The following HYDIN variants were observed in gnomAD, a reference collection of about 807,000 sequenced individuals.
HYDIN encodes the protein HYDIN axonemal central pair apparatus protein.
In HYDIN, 132 loss-of-function variants were observed where a neutral mutation model predicts 403.9. That is an observed-to-expected ratio of 0.33 (90% CI 0.28 to 0.38). HYDIN has a LOEUF of 0.38. Among genes scored for constraint, HYDIN ranks in the 10% least tolerant of loss-of-function variants. The pLI is 1.00. For synonymous variants in HYDIN, 1,202 were observed against 1,891.7 expected (o/e 0.64, Z 9.46); for missense variants, 2,827 against 5,009.5 (o/e 0.56, Z 13.15).
At chr16:71,011,544 A>AAAAC (rs145764086) in intron 23 of HYDIN, among the ~76,000 whole-genome samples, 4 of 139,356 alleles carry the variant, frequency 2.9e-5, no homozygotes, top group Non-Finnish European at 4.6e-5. Flanking sequence ...CTGTCTCTAC[A>AAAAC]AAACAAACAA....
In HYDIN at chr16:70,809,914, C is replaced by G; in HGVS notation, c.14752G>C (p.Glu4918Gln). Residue 4918 changes from glutamate to glutamine, a missense_variant, in exon 85 of 86, where the codon GAG becomes CAG. Physicochemically the swap from Glu to Gln is conservative, Grantham distance 29. Transcript: ENST00000393567. Reference sequence around the variant, plus strand: ...GCTGGCGTGGCTTTCAGATAGAGCTCATATTGGTAGTAACCCAAGTCAGTG... The same window carrying G: ...GCTGGCGTGGCTTTCAGATAGAGCTGATATTGGTAGTAACCCAAGTCAGTG... ...HNTDLGYYQY[E>Q]LYLKATPALP... is the part of the protein sequence containing the mutation. 1 of 1,614,182 alleles carries G rather than the reference C, an allele frequency of 6.2e-7. No homozygotes were observed. The highest frequency in any genetic ancestry group is 1.3e-5 in the African/African-American group (1 of 75,050).
At chr16:71,082,218 A>C (rs1018593888) in intron 12 of HYDIN, among the ~76,000 whole-genome samples, 1 of 152,158 alleles carries the variant, frequency 6.6e-6, no homozygotes, top group Non-Finnish European at 1.5e-5. Flanking sequence ...GTCAGTGTTA[A>C]TGTGTGGAGC....
intron 18 of HYDIN, among the ~76,000 whole-genome samples, chr16:71,047,207 A>G (rs1471680792): frequency 6.6e-6 from 1 of 151,904 alleles, no homozygotes; most frequent in Non-Finnish European, 1.5e-5. Flanking sequence ...TGACAAGGAA[A>G]CCAAACTCCC....
intron 20 of HYDIN, 24 bp downstream of exon 20, chr16:71,027,578 C>T (rs1465873671): frequency 6.2e-7 from 1 of 1,614,050 alleles, no homozygotes; most frequent in Non-Finnish European, 8.5e-7. Context: ...AAAACAATAG[C>T]TTCCAAATGT....
intron 62 of HYDIN, among the ~76,000 whole-genome samples, chr16:70,875,721 G>A (rs2040406041): frequency 6.6e-6 from 1 of 152,184 alleles, no homozygotes; most frequent in Non-Finnish European, 1.5e-5. Flanking sequence ...AATCCTAAAT[G>A]TTCCTGGTGG....
intron 5 of HYDIN, among the ~76,000 whole-genome samples, chr16:71,174,019 T>C (rs2086569011): frequency 6.6e-6 from 1 of 152,094 alleles, no homozygotes; most frequent in Admixed American, 6.5e-5. Flanking sequence ...GACCCTGTTC[T>C]CCCCACAGAC....
rs966339224 is a variant in HYDIN at position 71,212,601 on chromosome 16, A to C, written c.-24+17961T>G. ...GTAAATAGTATATTTTAAATGGCTGAAGAGAAAAATTACTAAAGTAGAAAA... is the reference window on the plus strand; with the variant it reads ...GTAAATAGTATATTTTAAATGGCTGCAGAGAAAAATTACTAAAGTAGAAAA... On this transcript the variant is annotated intron_variant, in intron 1 of 85. Coordinates refer to ENST00000393567, the MANE Select transcript of HYDIN (RefSeq NM_001270974.2). Among the ~76,000 whole-genome samples the C allele has an allele frequency of 2.0e-5, 3 of 152,316 alleles. No homozygotes were observed. The South Asian group carries it at 6.2e-4, about 32-fold the overall frequency.
chr16:70,965,230 T>C (rs1371483541), intron 36 of HYDIN, among the ~76,000 whole-genome samples: 1 of 152,230 alleles, frequency 6.6e-6, no homozygotes, highest in Non-Finnish European at 1.5e-5. Flanking sequence ...TTATCTACCT[T>C]GAGTGACAAT....
At chr16:70,923,043 C>T (rs1347644587) in intron 45 of HYDIN, among the ~76,000 whole-genome samples, 2 of 152,030 alleles carry the variant, frequency 1.3e-5, no homozygotes, top group African/African-American at 2.4e-5. Context: ...GTTGGGATTA[C>T]AGGCATAAGC....
In HYDIN at chr16:71,067,393, G is replaced by A. The variant is rs866695610; in HGVS notation, c.1975-3C>T. On this transcript the variant is annotated splice_region_variant and splice_polypyrimidine_tract_variant and intron_variant, in intron 14 of 85. Transcript: ENST00000393567. ...ACAGTGTTGGAGCATAATGTCACCT[G>A]GAAAGAAAAAGGTGACAAGTTGGTC... 6 of 1,598,974 alleles carry A rather than the reference G, an allele frequency of 3.8e-6. No individual in the cohort carries two copies. The highest frequency in any genetic ancestry group is 5.1e-6 in the Non-Finnish European group (6 of 1,172,868).
chr16:70,824,327 C>A lies in HYDIN; in HGVS notation c.14427+2934G>T, dbSNP rs900399814. ...CCTACTCTTCTCTCTGAATGAGAAA[C>A]CTTCTCTTATTTCCCCCATTCAATT... On this transcript the variant is annotated intron_variant, in intron 83 of 85. Transcript: ENST00000393567. 7.3e-4 allele frequency among the ~76,000 whole-genome samples: 111 copies of A among 151,926 alleles called. 2 individuals are homozygous for A. Among genetic ancestry groups the A allele is most frequent in the African/African-American group, 2.6e-3 (106 of 41,432 alleles).
chr16:70,940,456 C>T (rs1467242103), intron 43 of HYDIN, among the ~76,000 whole-genome samples: 1 of 151,476 alleles, frequency 6.6e-6, no homozygotes, highest in Admixed American at 6.6e-5. Flanking sequence ...CATAGATGTT[C>T]GACAAACATG....
chr16:71,226,234 T>C (rs1003635070), intron 1 of HYDIN, among the ~76,000 whole-genome samples: 5 of 152,234 alleles, frequency 3.3e-5, no homozygotes, highest in African/African-American at 9.6e-5. Flanking sequence ...ACAAAAATTA[T>C]TCATATTTTT....
At chr16:70,968,991 A>G (rs1173218709) in intron 36 of HYDIN, among the ~76,000 whole-genome samples, 1 of 152,062 alleles carries the variant, frequency 6.6e-6, no homozygotes, top group East Asian at 1.9e-4. Flanking sequence ...ACGTAAAAAT[A>G]TAGTTACCAA....
chr16:70,892,954 A>G (rs1427823793), intron 55 of HYDIN, among the ~76,000 whole-genome samples: 1 of 152,166 alleles, frequency 6.6e-6, no homozygotes, highest in Non-Finnish European at 1.5e-5. Flanking sequence ...TAACAGAGGT[A>G]CTGGGGAGGG....
At chr16:71,156,384 T>A (rs1226445168) in intron 6 of HYDIN, among the ~76,000 whole-genome samples, 10 of 152,184 alleles carry the variant, frequency 6.6e-5, no homozygotes, top group Admixed American at 2.6e-4. Context: ...TTGTCTATAA[T>A]TTGATTTTGT....
chr16:71,115,900 T>C, intron 9 of HYDIN, 105 bp from the exon 10 acceptor site: 1 of 666,396 alleles, frequency 1.5e-6, no homozygotes, highest in Non-Finnish European at 2.6e-6. Context: ...TTCATAAAAT[T>C]GTATATGTTT....
At chr16:70,946,080 G>GGGAAAGGACAGAA (rs2077851058) in intron 41 of HYDIN, among the ~76,000 whole-genome samples, 1 of 148,790 alleles carries the variant, frequency 6.7e-6, no homozygotes, top group Non-Finnish European at 1.5e-5. Flanking sequence ...GGGAAAGTGG[G>GGGAAAGGACAGAA]AGAGAGGGGA....
intron 9 of HYDIN, among the ~76,000 whole-genome samples, chr16:71,123,917 T>C (rs1416001088): frequency 6.6e-6 from 1 of 152,252 alleles, no homozygotes; most frequent in Non-Finnish European, 1.5e-5. Context: ...CACATGGAAC[T>C]GTGAGTCCAT....
Sources: gnomAD v4.1 joint callset for allele counts (sites outside exome capture counted in the v4.1 genomes callset) on GRCh38, gnomAD v4.1.1 for gene constraint, MANE v1.5 for transcripts, NCBI Gene and HGNC (gene_info 2026-07-23, HGNC 2026-07-21) for gene names.